Variants in FGF13 observed in about 807,000 individuals in gnomAD.
The protein encoded by FGF13 is fibroblast growth factor homologous factor 2.
FGF13 carries 2 observed loss-of-function variants against 19.5 expected under a neutral mutation model. The observed-to-expected ratio is 0.10, with a 90% confidence interval of 0.04 to 0.32. FGF13 has a LOEUF of 0.32. Among genes scored for constraint, FGF13 ranks in the 10% least tolerant of loss-of-function variants. The probability of loss-of-function intolerance (pLI) is 1.00; values close to 1 mark genes in which losing one functional copy is unlikely to be tolerated. For synonymous variants in FGF13, 72 were observed against 76.9 expected (o/e 0.94, Z 0.33); for missense variants, 113 against 192.7 (o/e 0.59, Z 2.45).
rs1208793595 is a variant in FGF13, at chrX:138,620,819, A to G, written c.*12031T>C. On this transcript the variant is annotated 3_prime_UTR_variant, in exon 5 of 5. Transcript: ENST00000315930. ...TATTGCATGTAAATAGAAACCAGAA[A>G]GAAGCAGAGACACCTATACTATATC... is the stretch of plus-strand genomic sequence containing the variant. 8.9e-6 allele frequency: 1 copy of G among 111,783 alleles called. No homozygotes were observed. The highest frequency in any genetic ancestry group is 1.9e-5 in the Non-Finnish European group (1 of 53,157). 9.2% of individuals were successfully genotyped at this position (111,783 alleles called of 1,213,427 possible).
intron 1 of FGF13, among the ~76,000 whole-genome samples, chrX:138,898,669 G>T (rs1423617068): frequency 9.0e-6 from 1 of 111,296 alleles, no homozygotes; most frequent in Non-Finnish European, 1.9e-5. Flanking sequence ...GTGATTAAAT[G>T]CCCCAAGTTT....
At chrX:139,064,621 C>T (rs1260268211) in intron 1 of FGF13, among the ~76,000 whole-genome samples, 2 of 111,191 alleles carry the variant, frequency 1.8e-5, no homozygotes, top group Non-Finnish European at 3.8e-5. Flanking sequence ...TCCTTCATTT[C>T]AACCTTGGTG....
chrX:139,018,929 C>T (rs1157580626), intron 1 of FGF13, among the ~76,000 whole-genome samples: 1 of 111,046 alleles, frequency 9.0e-6, no homozygotes, highest in Non-Finnish European at 1.9e-5. Context: ...ATTTTCACTA[C>T]CCCAAAAAGA....
At chrX:138,900,182 A>G (rs766799148) in intron 1 of FGF13, among the ~76,000 whole-genome samples, 1 of 111,395 alleles carries the variant, frequency 9.0e-6, no homozygotes, top group East Asian at 2.8e-4. Context: ...CTGGACTCTC[A>G]GCTGCATTTA....
At chrX:139,059,662 T>C (rs1235047464) in intron 1 of FGF13, among the ~76,000 whole-genome samples, 1 of 111,975 alleles carries the variant, frequency 8.9e-6, no homozygotes, top group African/African-American at 3.2e-5. Context: ...GAACATAATG[T>C]TTTCTAAATT....
intron 1 of FGF13, among the ~76,000 whole-genome samples, chrX:139,055,165 C>G (rs1044241841): frequency 1.8e-5 from 2 of 111,045 alleles, no homozygotes; most frequent in Non-Finnish European, 3.8e-5. Flanking sequence ...TTTGGATGCC[C>G]TTTATTTCTT....
intron 3 of FGF13, among the ~76,000 whole-genome samples, chrX:138,651,355 G>A (rs1472322260): frequency 8.9e-6 from 1 of 112,315 alleles, no homozygotes; most frequent in East Asian, 2.8e-4. Flanking sequence ...CAGGAAGACA[G>A]ACATACACAT....
chrX:139,063,429 A>G (rs1423796850), intron 1 of FGF13, among the ~76,000 whole-genome samples: 2 of 111,616 alleles, frequency 1.8e-5, no homozygotes, highest in African/African-American at 3.3e-5. Context: ...ATAATGCCCA[A>G]TAAAAATAGT....
intron 3 of FGF13, among the ~76,000 whole-genome samples, chrX:138,828,441 G>A (rs1288272597): frequency 3.4e-4 from 37 of 110,077 alleles, no homozygotes; most frequent in African/African-American, 1.2e-3. Context: ...GTGGTGGCGG[G>A]CGCCTGTAGT....
At chrX:139,024,069 A>T (rs1002768371) in intron 1 of FGF13, among the ~76,000 whole-genome samples, 5 of 109,743 alleles carry the variant, frequency 4.6e-5, no homozygotes, top group Non-Finnish European at 7.6e-5. Flanking sequence ...CATTAAAACA[A>T]TTTTTTTTTC....
chrX:138,915,165 C>T (rs1188710425), intron 1 of FGF13, among the ~76,000 whole-genome samples: 1 of 111,355 alleles, frequency 9.0e-6, no homozygotes, highest in African/African-American at 3.3e-5. Flanking sequence ...GCTCCAGTTG[C>T]TCATTAATAT....
intron 1 of FGF13, among the ~76,000 whole-genome samples, chrX:139,087,187 T>C (rs2083410112): frequency 9.0e-6 from 1 of 110,831 alleles, no homozygotes; most frequent in African/African-American, 3.3e-5. Flanking sequence ...TCCCAGCTAC[T>C]TGGGAAGCTG....
chrX:138,847,477 G>A (rs1270970556), intron 3 of FGF13, among the ~76,000 whole-genome samples: 3 of 111,682 alleles, frequency 2.7e-5, no homozygotes, highest in Non-Finnish European at 5.6e-5. Flanking sequence ...GGGCTCATAA[G>A]TAAAAATTTG....
chrX:139,063,226 C>G (rs2092341955), intron 1 of FGF13, among the ~76,000 whole-genome samples: 1 of 111,205 alleles, frequency 9.0e-6, no homozygotes, highest in Non-Finnish European at 1.9e-5. Flanking sequence ...CTTCTTGTTT[C>G]TTGCTATTAT....
At position 139,027,512 on chromosome X, in the gene FGF13, AAATAT is replaced by A. The variant is rs766991336; in HGVS notation, c.-112-162867_-112-162863del. Among the ~76,000 whole-genome samples the A allele has an allele frequency of 3.0e-3, 336 of 112,122 alleles. 1 individual carries two copies. Among genetic ancestry groups the A allele is most frequent in the Middle Eastern group, 0.018 (4 of 218 alleles). On this transcript the variant is annotated intron_variant, in intron 1 of 2. Transcript: ENST00000421460. ...AAATTCTCAAGCCATTTGTCTCCCT[AAATAT>A]AATCTCATTCATACTTTGAAGTTAC...
intron 1 of FGF13, among the ~76,000 whole-genome samples, chrX:138,997,558 C>T (rs751613212): frequency 9.0e-6 from 1 of 110,976 alleles, no homozygotes; most frequent in Non-Finnish European, 1.9e-5. Flanking sequence ...ATGGTCGAAT[C>T]GATCAAGTGG....
intron 3 of FGF13, among the ~76,000 whole-genome samples, chrX:138,801,866 C>A (rs964141281): frequency 1.9e-4 from 21 of 112,045 alleles, no homozygotes; most frequent in African/African-American, 6.8e-4. Context: ...AACTTCCCAG[C>A]CTTCTTAGCA....
chrX:138,767,262 C>T (rs1184222712), intron 3 of FGF13, among the ~76,000 whole-genome samples: 1 of 112,090 alleles, frequency 8.9e-6, no homozygotes, highest in Non-Finnish European at 1.9e-5. Flanking sequence ...AATAATCTCA[C>T]TCATATTTTT....
chrX:138,892,703 G>A (rs975125126), intron 1 of FGF13, among the ~76,000 whole-genome samples: 6 of 110,500 alleles, frequency 5.4e-5, no homozygotes, highest in Non-Finnish European at 1.1e-4. Context: ...TTAGTGGGGA[G>A]CCTCTAGTTA....
Sources: gnomAD v4.1 joint callset for allele counts (sites outside exome capture counted in the v4.1 genomes callset) on GRCh38, gnomAD v4.1.1 for gene constraint, MANE v1.5 for transcripts, NCBI Gene and HGNC (gene_info 2026-07-23, HGNC 2026-07-21) for gene names.